Variants in MASP1 observed in about 807,000 individuals in gnomAD.
The protein encoded by MASP1 is mannan-binding lectin serine protease 1.
A neutral mutation model predicts 77.1 loss-of-function variants in MASP1; 59 were observed. That is an observed-to-expected ratio of 0.77 (90% CI 0.62 to 0.95). The LOEUF is 0.95. MASP1 is among the 40% of genes least tolerant of loss of function. The pLI is 0.00. For missense variants in MASP1, 885 were observed against 912.9 expected (o/e 0.97, Z 0.39); for synonymous variants, 362 against 354.5 (o/e 1.02, Z -0.24).
rs372071552 is a variant in MASP1, at chr3:187,235,894, C to T, written c.1977G>A (p.Thr659=). 34 of 1,614,122 alleles carry T rather than the reference C, an allele frequency of 2.1e-5. No individual in the cohort carries two copies. Among genetic ancestry groups the T allele is most frequent in the Admixed American group, 3.3e-5 (2 of 60,014 alleles). Residue 659 remains threonine, a synonymous_variant, in exon 11 of 11, where the codon ACG becomes ACA. Coordinates refer to ENST00000296280, the MANE Select transcript of MASP1 (RefSeq NM_139125.4). The stretch of plus-strand genomic sequence containing the variant: ...AGGCCCCACCGCTATCTCCAAGGCA[C>T]GTGTCTTTGCCGCCCTCGTAGTAGC... ...CAGYYEGGKD[T]CLGDSGGAFV... is the part of the protein sequence containing the mutation.
At chr3:187,237,910 T>G (rs1441715896) in intron 10 of MASP1, among the ~76,000 whole-genome samples, 1 of 152,228 alleles carries the variant, frequency 6.6e-6, no homozygotes, top group South Asian at 2.1e-4. Context: ...CCTAATGCTT[T>G]TCAGATGCTC....
At chr3:187,272,632 A>AT (rs1050097688) in intron 2 of MASP1, among the ~76,000 whole-genome samples, 72 of 152,216 alleles carry the variant, frequency 4.7e-4, no homozygotes, top group African/African-American at 1.6e-3. Context: ...AGAGGCAGAG[A>AT]TTAGAGTTAT....
At chr3:187,271,825 T>TC (rs1182448265) in intron 2 of MASP1, among the ~76,000 whole-genome samples, 1 of 151,980 alleles carries the variant, frequency 6.6e-6, no homozygotes, top group African/African-American at 2.4e-5. Flanking sequence ...ATCACCCTCC[T>TC]CCCCCCTTGT....
intron 2 of MASP1, among the ~76,000 whole-genome samples, chr3:187,280,644 A>G (rs777227066): frequency 6.6e-6 from 1 of 152,366 alleles, no homozygotes; most frequent in Non-Finnish European, 1.5e-5. Flanking sequence ...TGCAATATTT[A>G]AGGGATTTTT....
At chr3:187,284,317 C>T (rs1175691414) in intron 2 of MASP1, among the ~76,000 whole-genome samples, 2 of 152,162 alleles carry the variant, frequency 1.3e-5, no homozygotes, top group African/African-American at 2.4e-5. Flanking sequence ...GGACATTGAA[C>T]AACATCTGGA....
At chr3:187,285,119 C>G (rs1202983918) in intron 2 of MASP1, among the ~76,000 whole-genome samples, 2 of 151,036 alleles carry the variant, frequency 1.3e-5, no homozygotes, top group Non-Finnish European at 2.9e-5. Flanking sequence ...CCTTTTTCAG[C>G]CTCACTTTAA....
At chr3:187,257,779 A>G (rs1715217710) in intron 4 of MASP1, among the ~76,000 whole-genome samples, 1 of 152,216 alleles carries the variant, frequency 6.6e-6, no homozygotes, top group Non-Finnish European at 1.5e-5. Context: ...CTACTGTCTT[A>G]CTGTAAACTA....
At chr3:187,230,711 C>A (rs1712715584), downstream of MASP1, among the ~76,000 whole-genome samples, 1 of 152,178 alleles carries the variant, frequency 6.6e-6, no homozygotes, top group African/African-American at 2.4e-5. Flanking sequence ...AACTGAATAG[C>A]CCTCGGAGAC....
At position 187,247,012 on chromosome 3, in the gene MASP1, T is replaced by C. The variant is rs891006053; in HGVS notation, c.1090+3239A>G. 2.4e-6 allele frequency: 3 copies of C among 1,265,410 alleles called. No homozygotes were observed. In the African/African-American group the frequency reaches 4.6e-5, roughly 19 times the overall value. The allele number at this position is 1,265,410 out of a possible 1,614,324, so 78.4% of individuals were successfully genotyped here. ...GCCACATGGTTGTATATTAAATCTT[T>C]TGTCTCAAGGACCAAGGGCATTTTT... On this transcript the variant is annotated intron_variant, in intron 8 of 10. Transcript: ENST00000296280.
chr3:187,282,294 C>T (rs184965145), intron 2 of MASP1, among the ~76,000 whole-genome samples: 5 of 151,934 alleles, frequency 3.3e-5, no homozygotes, highest in East Asian at 3.9e-4. Flanking sequence ...GTCAGGAGGT[C>T]AAGACCATCC....
In MASP1 at chr3:187,260,729, G is replaced by C. The variant is rs748946364; in HGVS notation, c.547+12C>G. On this transcript the variant is annotated intron_variant, in intron 4 of 10. Coordinates refer to ENST00000296280, the MANE Select transcript of MASP1 (RefSeq NM_139125.4). ...TATAAGGGCAATGCATACAATCATT[G>C]GTAGGCTCTACCTCGGCAGGTCCTG... is the stretch of plus-strand genomic sequence containing the variant. The C allele has an allele frequency of 6.2e-7, 1 of 1,614,160 alleles. No individual in the cohort carries two copies. Among genetic ancestry groups the C allele is most frequent in the Non-Finnish European group, 8.5e-7 (1 of 1,180,016 alleles).
chr3:187,234,322 G>C lies in MASP1; in HGVS notation c.*1362C>G, dbSNP rs771412197. 2 of 1,287,246 alleles carry C rather than the reference G, an allele frequency of 1.6e-6. No homozygotes were observed. Among genetic ancestry groups the C allele is most frequent in the East Asian group, 5.5e-5 (1 of 18,024 alleles). 79.7% of individuals were successfully genotyped at this position (1,287,246 alleles called of 1,614,324 possible). On this transcript the variant is annotated 3_prime_UTR_variant, in exon 11 of 11. Coordinates refer to ENST00000296280, the MANE Select transcript of MASP1 (RefSeq NM_139125.4). ...CTTGCTCTGATGGAGATTTTCAGGA[G>C]AGAGAGCTCCAGGGAGAAGGAGAAC...
At position 187,274,144 on chromosome 3, in the gene MASP1, G is replaced by A. The variant is rs576283687; in HGVS notation, c.238-11424C>T. 9.5e-4 allele frequency among the ~76,000 whole-genome samples: 145 copies of A among 152,024 alleles called. 1 individual carries two copies. In the Middle Eastern group the frequency reaches 0.01, roughly 11 times the overall value. On this transcript the variant is annotated intron_variant, in intron 2 of 10. Coordinates refer to ENST00000296280, the MANE Select transcript of MASP1 (RefSeq NM_139125.4). ...AATCGCTTGAACCCGGGAGGTAGAG[G>A]TTCCAGTGAGCAGAGATTGTGCCAT...
chr3:187,229,004 C>T (rs1190681238), intron 11 of MASP1, among the ~76,000 whole-genome samples: 1 of 152,190 alleles, frequency 6.6e-6, no homozygotes, highest in African/African-American at 2.4e-5. Context: ...GTTGCTCATG[C>T]AGAGATGGGC....
chr3:187,265,723 A>T (rs973121024), intron 2 of MASP1, among the ~76,000 whole-genome samples: 6 of 152,194 alleles, frequency 3.9e-5, no homozygotes, highest in Non-Finnish European at 7.3e-5. Flanking sequence ...ACATTTTCTG[A>T]TATCAGTTTT....
chr3:187,256,928 T>C, intron 4 of MASP1, 68 bp from the exon 5 acceptor site: 1 of 1,397,172 alleles, frequency 7.2e-7, no homozygotes, highest in Non-Finnish European at 1.0e-6. Context: ...GCTTATCTGT[T>C]ACTATATGAT....
intron 1 of MASP1, among the ~76,000 whole-genome samples, chr3:187,289,576 A>C (rs1718141115): frequency 2.0e-5 from 3 of 152,220 alleles, no homozygotes; most frequent in African/African-American, 7.2e-5. Context: ...AAAAAATTTA[A>C]AAATATTAAT....
rs772964636 is a variant in MASP1, at chr3:187,235,571, C to T, written c.*113G>A. Reference sequence around the variant, plus strand: ...GGGCTGTCTCGGTAGGAGAAGCCACCGCTAGGTCAGTGTGTTCCATTCCAT... The same window carrying T: ...GGGCTGTCTCGGTAGGAGAAGCCACTGCTAGGTCAGTGTGTTCCATTCCAT... On this transcript the variant is annotated 3_prime_UTR_variant, in exon 11 of 11. Transcript: ENST00000296280. 2.0e-5 allele frequency: 32 copies of T among 1,567,740 alleles called. No individual in the cohort carries two copies. Among genetic ancestry groups the T allele is most frequent in the Middle Eastern group, 2.2e-4 (1 of 4,550 alleles).
At chr3:187,255,269 G>C (rs927396407) in intron 5 of MASP1, among the ~76,000 whole-genome samples, 6 of 152,308 alleles carry the variant, frequency 3.9e-5, no homozygotes, top group South Asian at 2.1e-4. Flanking sequence ...AGGGGCCAAT[G>C]TAAAAGTATC....
Sources: gnomAD v4.1 joint callset for allele counts (sites outside exome capture counted in the v4.1 genomes callset) on GRCh38, gnomAD v4.1.1 for gene constraint, MANE v1.5 for transcripts, NCBI Gene and HGNC (gene_info 2026-07-23, HGNC 2026-07-21) for gene names.